Variants in SLC30A7 observed in about 807,000 individuals in gnomAD.
The protein encoded by SLC30A7 is solute carrier family 30 member 7.
Under a neutral mutation model 46.0 loss-of-function variants are expected in SLC30A7, and 35 were observed. The ratio of observed to expected loss-of-function variants is 0.76; its 90% CI spans 0.58 to 1.01. SLC30A7 has a LOEUF of 1.01. Among genes scored for constraint, SLC30A7 ranks in the 50% least tolerant of loss-of-function variants. The probability of loss-of-function intolerance (pLI) is 0.00; values close to 1 mark genes in which losing one functional copy is unlikely to be tolerated. For missense variants in SLC30A7, 464 were observed against 451.1 expected, an observed-to-expected ratio of 1.03 and a Z score of -0.26; for synonymous variants, 147 against 157.8, an observed-to-expected ratio of 0.93 and a Z score of 0.51.
chr1:100,962,039 T>G (rs1655580082), intron 9 of SLC30A7, 121 bp downstream of exon 9: 2 of 555,428 alleles, frequency 3.6e-6, no homozygotes, highest in African/African-American at 1.9e-5. Context: ...GATTGAATGC[T>G]GACCATGAAA....
chr1:100,925,418 T>G (rs1227289799), intron 8 of SLC30A7, among the ~76,000 whole-genome samples: 1 of 152,166 alleles, frequency 6.6e-6, no homozygotes, highest in Admixed American at 6.5e-5. Context: ...GGATAATAGA[T>G]TATAAGGGGG....
At position 100,979,941 on chromosome 1, in the gene SLC30A7, A is replaced by G. The variant is rs1656824374; in HGVS notation, c.*5084A>G. The G allele has an allele frequency of 6.6e-6, 1 of 152,118 alleles. No homozygotes were observed. The highest frequency in any genetic ancestry group is 6.6e-5 in the Admixed American group (1 of 15,264). 9.4% of individuals were successfully genotyped at this position (152,118 alleles called of 1,614,324 possible). A position where few individuals can be genotyped will look rare whatever the true frequency, so the allele number is the denominator to read the frequency against. On this transcript the variant is annotated 3_prime_UTR_variant, in exon 11 of 11. Transcript: ENST00000357650. ...CCTATAAAATTAGTGAATAATCACC[A>G]TGACAAAATTGGTATGGCGGAACAG...
Position 100,979,884 on chromosome 1 carries a change from C to G in SLC30A7, c.*5027C>G, listed in dbSNP as rs1286418909. The G allele has an allele frequency of 2.6e-5, 4 of 151,790 alleles. No homozygotes were observed. In the South Asian group the frequency reaches 8.3e-4, roughly 31 times the overall value. The allele number at this position is 151,790 out of a possible 1,614,324, so 9.4% of individuals were successfully genotyped here. A position where few individuals can be genotyped will look rare whatever the true frequency, so the allele number is the denominator to read the frequency against. On this transcript the variant is annotated 3_prime_UTR_variant, in exon 11 of 11. Transcript: ENST00000357650. ...TGTAATTCAGCAGTGCTTCAAAGAT[C>G]CAAGAAGCTGTAGCAGATCTCAATA...
In SLC30A7 at chr1:100,979,196, C is replaced by T. The variant is rs1375787463; in HGVS notation, c.*4339C>T. 1 of 151,928 alleles carries T rather than the reference C, an allele frequency of 6.6e-6. No homozygotes were observed. 9.4% of individuals were successfully genotyped at this position (151,928 alleles called of 1,614,324 possible). ...ACTAAAACTGCTATTTCTAACTCTTCATGAAAGCATTACCTTTGGAAAGTT... is the reference window on the plus strand; with the variant it reads ...ACTAAAACTGCTATTTCTAACTCTTTATGAAAGCATTACCTTTGGAAAGTT... On this transcript the variant is annotated 3_prime_UTR_variant, in exon 11 of 11. Coordinates refer to ENST00000357650, the MANE Select transcript of SLC30A7 (RefSeq NM_133496.5).
intron 8 of SLC30A7, among the ~76,000 whole-genome samples, chr1:100,937,923 G>T (rs1654073716): frequency 6.6e-6 from 1 of 152,130 alleles, no homozygotes; most frequent in African/African-American, 2.4e-5. Flanking sequence ...TATGGTGTGA[G>T]GTAAGGGTCC....
intron 8 of SLC30A7, among the ~76,000 whole-genome samples, chr1:100,923,666 C>T (rs1406639415): frequency 6.6e-6 from 1 of 152,076 alleles, no homozygotes; most frequent in Non-Finnish European, 1.5e-5. Flanking sequence ...ATAGTTGCAG[C>T]TACTTGGGAT....
intron 8 of SLC30A7, among the ~76,000 whole-genome samples, chr1:100,943,084 CA>C (rs1242039663): frequency 6.6e-6 from 1 of 152,198 alleles, no homozygotes; most frequent in Non-Finnish European, 1.5e-5. Context: ...CTCCAGCAGA[CA>C]GTAGCTGAGT....
intron 5 of SLC30A7, among the ~76,000 whole-genome samples, chr1:100,912,742 A>G (rs1321672078): frequency 6.6e-6 from 1 of 151,730 alleles, no homozygotes; most frequent in Non-Finnish European, 1.5e-5. Flanking sequence ...AACAGGCATG[A>G]TGGCGCATTC....
chr1:100,990,986 A>C, the SLC30A7 span, among the ~76,000 whole-genome samples: 1 of 152,230 alleles, frequency 6.6e-6, no homozygotes, highest in Non-Finnish European at 1.5e-5. Flanking sequence ...AACTTGCTTG[A>C]GATAATGTTC....
chr1:100,911,292 C>G (rs1054715434), intron 4 of SLC30A7, 142 bp downstream of exon 4: 12 of 551,820 alleles, frequency 2.2e-5, no homozygotes, highest in Non-Finnish European at 3.1e-5. Flanking sequence ...ACAAGAGGAG[C>G]TTACAAAATA....
chr1:100,983,307 A>AG (rs1385006475), downstream of SLC30A7, among the ~76,000 whole-genome samples: 2 of 151,724 alleles, frequency 1.3e-5, no homozygotes, highest in African/African-American at 2.4e-5. Context: ...TCCAAAAAAA[A>AG]GAAACAGCAT....
intron 8 of SLC30A7, among the ~76,000 whole-genome samples, chr1:100,953,298 G>C (rs902257054): frequency 1.3e-5 from 2 of 152,132 alleles, no homozygotes; most frequent in Non-Finnish European, 2.9e-5. Flanking sequence ...AATACAACTA[G>C]GTAGACATAG....
downstream of SLC30A7, among the ~76,000 whole-genome samples, chr1:100,986,160 A>G (rs1373663676): frequency 6.6e-6 from 1 of 152,238 alleles, no homozygotes; most frequent in African/African-American, 2.4e-5. Context: ...CTGTAATCCC[A>G]GCACTTTGGG....
In SLC30A7 at chr1:100,975,023, G is replaced by C. The variant is rs923063186; in HGVS notation, c.*166G>C. On this transcript the variant is annotated 3_prime_UTR_variant, in exon 11 of 11. Coordinates refer to ENST00000357650, the MANE Select transcript of SLC30A7 (RefSeq NM_133496.5). ...GTTCATGCTTTGTGGGGAGTTCACA[G>C]CTAAGGGATCAGATTTAAGAGGATA... 8.0e-5 allele frequency: 35 copies of C among 438,698 alleles called. No individual in the cohort carries two copies. Among genetic ancestry groups the C allele is most frequent in the Admixed American group, 1.2e-4 (3 of 24,920 alleles). The allele number at this position is 438,698 out of a possible 1,614,324, so 27.2% of individuals were successfully genotyped here.
intron 8 of SLC30A7, among the ~76,000 whole-genome samples, chr1:100,948,376 C>T (rs921565520): frequency 6.6e-6 from 1 of 152,234 alleles, no homozygotes; most frequent in Non-Finnish European, 1.5e-5. Flanking sequence ...GGCCCCCACT[C>T]TCTTCTGGCT....
At chr1:100,916,803 G>T (rs1393563807) in intron 6 of SLC30A7, among the ~76,000 whole-genome samples, 1 of 138,564 alleles carries the variant, frequency 7.2e-6, no homozygotes, top group Non-Finnish European at 1.5e-5. Context: ...TCTACTCTCT[G>T]CTTCCATGAG....
chr1:100,984,555 A>G (rs74599009), downstream of SLC30A7, among the ~76,000 whole-genome samples: 970 of 152,328 alleles, frequency 6.4e-3, 16 homozygotes, highest in African/African-American at 0.02. Context: ...ACAAACTTGA[A>G]ATAGATCCAA....
At chr1:100,932,169 C>T (rs1653699047) in intron 8 of SLC30A7, among the ~76,000 whole-genome samples, 1 of 152,144 alleles carries the variant, frequency 6.6e-6, no homozygotes, top group Non-Finnish European at 1.5e-5. Flanking sequence ...AATCCCAGCA[C>T]TTTGGGAGGC....
At chr1:100,991,071 TC>T in the SLC30A7 span, among the ~76,000 whole-genome samples, 1 of 152,236 alleles carries the variant, frequency 6.6e-6, no homozygotes, top group Non-Finnish European at 1.5e-5. Context: ...TGCCTTGCCA[TC>T]CAATTAGCTG....
Sources: allele counts gnomAD v4.1 joint callset (sites outside exome capture counted in the v4.1 genomes callset), GRCh38; gene constraint gnomAD v4.1.1; transcripts MANE v1.5; gene names NCBI Gene and HGNC (gene_info 2026-07-23, HGNC 2026-07-21).